MID1: variants seen among roughly 807,000 people sequenced by gnomAD.
The protein encoded by MID1 is midline 1.
Under a neutral mutation model 40.4 loss-of-function variants are expected in MID1, and 7 were observed. That is an observed-to-expected ratio of 0.17 (90% CI 0.10 to 0.33). MID1 has a LOEUF of 0.33. Among genes scored for constraint, MID1 ranks in the 10% least tolerant of loss-of-function variants. The pLI is 1.00. For synonymous variants in MID1, 229 were observed against 221.2 expected, an observed-to-expected ratio of 1.04 and a Z score of -0.31; for missense variants, 367 against 558.5, an observed-to-expected ratio of 0.66 and a Z score of 3.46.
intron 1 of MID1, among the ~76,000 whole-genome samples, chrX:10,715,573 G>A (rs781072060): frequency 1.8e-4 from 20 of 112,050 alleles, no homozygotes; most frequent in South Asian, 7.4e-4. Context: ...GGAGCCCACC[G>A]CAGCTCAAGG....
intron 1 of MID1, among the ~76,000 whole-genome samples, chrX:10,785,535 C>G (rs1602576897): frequency 9.0e-6 from 1 of 111,408 alleles, no homozygotes; most frequent in Non-Finnish European, 1.9e-5. Context: ...AAGAACAAAG[C>G]TGGAGGCATC....
At chrX:10,770,842 C>T (rs181481160) in intron 1 of MID1, among the ~76,000 whole-genome samples, 186 of 111,929 alleles carry the variant, frequency 1.7e-3, no homozygotes, top group Non-Finnish European at 2.7e-3. Flanking sequence ...CGGTGGCTCA[C>T]GCCTGTAAAT....
intron 1 of MID1, among the ~76,000 whole-genome samples, chrX:10,803,977 GCATTTC>G (rs966239676): frequency 9.1e-6 from 1 of 109,872 alleles, no homozygotes; most frequent in Non-Finnish European, 1.9e-5. Flanking sequence ...TTTTTGGTTT[GCATTTC>G]CATTTGGGAA....
At chrX:10,636,785 G>GATATATAA (rs1555911855) in intron 1 of MID1, among the ~76,000 whole-genome samples, 7 of 42,708 alleles carry the variant, frequency 1.6e-4, no homozygotes, top group African/African-American at 8.4e-4. Context: ...CAACAATGGG[G>GATATATAA]ATATATATAT....
chrX:10,492,079 T>A (rs1264756118), intron 4 of MID1, among the ~76,000 whole-genome samples: 2 of 112,019 alleles, frequency 1.8e-5, no homozygotes, highest in African/African-American at 6.5e-5. Context: ...TGCTTTCCTA[T>A]CTATTTTTTT....
At chrX:10,611,070 G>A (rs1182980961) in intron 1 of MID1, among the ~76,000 whole-genome samples, 1 of 112,028 alleles carries the variant, frequency 8.9e-6, no homozygotes, top group Admixed American at 9.5e-5. Context: ...TAGAAAATAA[G>A]AGCAAATGGT....
intron 2 of MID1, among the ~76,000 whole-genome samples, chrX:10,550,745 G>T (rs1362303549): frequency 9.0e-6 from 1 of 111,681 alleles, no homozygotes; most frequent in Non-Finnish European, 1.9e-5. Flanking sequence ...CTATCTGTCT[G>T]GGGGGCTGTT....
intron 1 of MID1, among the ~76,000 whole-genome samples, chrX:10,827,183 G>A (rs1236051139): frequency 9.0e-6 from 1 of 111,327 alleles, no homozygotes; most frequent in Non-Finnish European, 1.9e-5. Flanking sequence ...TATTTCATGA[G>A]TTCTCTGGGG....
chrX:10,481,327 T>C (rs1288195220), intron 5 of MID1, among the ~76,000 whole-genome samples: 1 of 112,692 alleles, frequency 8.9e-6, no homozygotes, highest in Non-Finnish European at 1.9e-5. Flanking sequence ...TAAAGGGCAG[T>C]TGACTCTGAA....
Position 10,561,004 on chromosome X carries a change from T to A in MID1, c.660+5884A>T, listed in dbSNP as rs139787538. Among the ~76,000 whole-genome samples, 311 of 106,854 alleles carry A rather than the reference T, an allele frequency of 2.9e-3. 14 individuals are homozygous for A. The highest frequency in any genetic ancestry group is 9.9e-3 in the East Asian group (35 of 3,548). 92.8% of individuals were successfully genotyped at this position (106,854 alleles called of 115,157 possible). On this transcript the variant is annotated intron_variant, in intron 2 of 9. Transcript: ENST00000317552. ...ACAGTAACCAAAAACAGCAGGGTAC[T>A]GGTACCAAAACAGATATATAGACCA...
rs753968100 is a variant in MID1, at chrX:10,558,038, A to T, written c.660+8850T>A. Among the ~76,000 whole-genome samples the T allele has an allele frequency of 2.1e-4, 23 of 108,425 alleles. 1 individual carries two copies. The highest frequency in any genetic ancestry group is 3.6e-4 in the Non-Finnish European group (19 of 52,520). 94.2% of individuals were successfully genotyped at this position (108,425 alleles called of 115,157 possible). On this transcript the variant is annotated intron_variant, in intron 2 of 9. Coordinates refer to ENST00000317552, the MANE Select transcript of MID1 (RefSeq NM_000381.4). The stretch of plus-strand genomic sequence containing the variant: ...TATATTCTCACATGAAATTTATTTC[A>T]GAAAATATACATTAACCTCTCTCTC...
At chrX:10,703,488 A>G (rs982443668) in intron 1 of MID1, among the ~76,000 whole-genome samples, 5 of 111,215 alleles carry the variant, frequency 4.5e-5, no homozygotes, top group Non-Finnish European at 7.5e-5. Flanking sequence ...CAACATAGTG[A>G]AACCCCATCA....
chrX:10,586,326 T>C (rs1362700036), intron 1 of MID1, among the ~76,000 whole-genome samples: 2 of 111,627 alleles, frequency 1.8e-5, no homozygotes, highest in Non-Finnish European at 3.8e-5. Flanking sequence ...CATGGACCAG[T>C]TAGCTTCTGG....
intron 1 of MID1, among the ~76,000 whole-genome samples, chrX:10,655,902 G>C (rs971737774): frequency 3.6e-5 from 4 of 110,534 alleles, no homozygotes; most frequent in African/African-American, 1.3e-4. Context: ...GCTGACTGCA[G>C]ACACATGAGT....
At chrX:10,796,442 AT>A (rs35378685) in intron 1 of MID1, among the ~76,000 whole-genome samples, 36 of 94,636 alleles carry the variant, frequency 3.8e-4, no homozygotes, top group Admixed American at 6.9e-4. Flanking sequence ...TTTTTTAATG[AT>A]TTTTTTTTTG....
chrX:10,658,384 C>T (rs1214493662), intron 1 of MID1, among the ~76,000 whole-genome samples: 4 of 84,474 alleles, frequency 4.7e-5, no homozygotes, highest in East Asian at 4.0e-4. Context: ...TGTTGAGCAG[C>T]GGCCCACAAA....
At chrX:10,817,182 G>A (rs193272995) in intron 1 of MID1, among the ~76,000 whole-genome samples, 2 of 112,347 alleles carry the variant, frequency 1.8e-5, no homozygotes, top group East Asian at 5.6e-4. Context: ...CAGTATCTGT[G>A]CTCAAGAATC....
intron 1 of MID1, among the ~76,000 whole-genome samples, chrX:10,641,870 A>G (rs1226937933): frequency 8.9e-6 from 1 of 111,917 alleles, no homozygotes; most frequent in Non-Finnish European, 1.9e-5. Context: ...ACATACACAA[A>G]TCAGTAAACG....
chrX:10,473,861 A>G (rs144494286), intron 6 of MID1, among the ~76,000 whole-genome samples: 109 of 112,163 alleles, frequency 9.7e-4, no homozygotes, highest in African/African-American at 3.4e-3. Flanking sequence ...AAAAGTTTAG[A>G]AGCATGCTTA....
Sources: allele counts gnomAD v4.1 joint callset (sites outside exome capture counted in the v4.1 genomes callset), GRCh38; gene constraint gnomAD v4.1.1; transcripts MANE v1.5; gene names NCBI Gene and HGNC (gene_info 2026-07-23, HGNC 2026-07-21).